SCAPER: variants seen among roughly 807,000 people sequenced by gnomAD.
The protein encoded by SCAPER is S-phase cyclin A associated protein in the ER, also known as S phase cyclin A-associated protein in the endoplasmic reticulum.
In SCAPER, 98 loss-of-function variants were observed where a neutral mutation model predicts 182.2. The observed-to-expected ratio is 0.54, with a 90% CI of 0.46 to 0.64. The LOEUF (loss-of-function observed/expected upper bound fraction) is 0.64, where lower values mean the gene tolerates loss of function less well. Ranked by LOEUF, SCAPER falls within the 30% of genes least tolerant of loss-of-function variation. The probability of loss-of-function intolerance (pLI) is 0.00; values close to 1 mark genes in which losing one functional copy is unlikely to be tolerated. For missense variants in SCAPER, 1,432 were observed against 1,690.0 expected, an observed-to-expected ratio of 0.85 and a Z score of 2.68; for synonymous variants, 605 against 564.6, an observed-to-expected ratio of 1.07 and a Z score of -1.01.
intron 23 of SCAPER, among the ~76,000 whole-genome samples, chr15:76,543,229 G>A (rs1451453259): frequency 1.3e-5 from 2 of 152,064 alleles, no homozygotes; most frequent in Non-Finnish European, 1.5e-5. Flanking sequence ...GAATTATTTT[G>A]ATGCTTTAAG....
intron 22 of SCAPER, among the ~76,000 whole-genome samples, chr15:76,605,577 G>C (rs2050313638): frequency 6.6e-6 from 1 of 152,276 alleles, no homozygotes; most frequent in East Asian, 1.9e-4. Flanking sequence ...TCTATTGATT[G>C]CAGTAGTTTC....
Position 76,602,251 on chromosome 15 carries a change from T to C in SCAPER, c.2711+19513A>G. Among the ~76,000 whole-genome samples, 2 of 122,392 alleles carry C rather than the reference T, an allele frequency of 1.6e-5. 1 individual carries two copies. Among genetic ancestry groups the C allele is most frequent in the Non-Finnish European group, 4.0e-5 (2 of 50,294 alleles). 80.3% of individuals were successfully genotyped at this position (122,392 alleles called of 152,430 possible). A position where few individuals can be genotyped will look rare whatever the true frequency, so the allele number is the denominator to read the frequency against. ...TATACAGATCTGAGTTTCTGATCTG[T>C]ATCATTTAACTTCTCTCTGAAGAAC... On this transcript the variant is annotated intron_variant, in intron 22 of 31. Transcript: ENST00000563290.
chr15:76,550,191 T>A (rs540699690), intron 23 of SCAPER, among the ~76,000 whole-genome samples: 1 of 152,340 alleles, frequency 6.6e-6, no homozygotes, highest in Admixed American at 6.5e-5. Context: ...TCTTCTTTTT[T>A]AAATAAAAAT....
At chr15:76,782,894 A>G (rs1219865058) in intron 8 of SCAPER, among the ~76,000 whole-genome samples, 3 of 152,252 alleles carry the variant, frequency 2.0e-5, no homozygotes, top group Non-Finnish European at 4.4e-5. Flanking sequence ...GTGTAAAGGG[A>G]AAGTTATAGC....
chr15:76,518,211 C>T (rs1305835573), intron 23 of SCAPER, among the ~76,000 whole-genome samples: 1 of 152,162 alleles, frequency 6.6e-6, no homozygotes, highest in Non-Finnish European at 1.5e-5. Flanking sequence ...CCCAGCTGGC[C>T]TTCAATAGTT....
intron 21 of SCAPER, among the ~76,000 whole-genome samples, chr15:76,632,360 T>C (rs886417267): frequency 2.0e-5 from 3 of 152,164 alleles, no homozygotes; most frequent in East Asian, 1.9e-4. Context: ...CGGCTTTCTT[T>C]TTTTTTGTAT....
At chr15:76,398,943 G>C (rs1365873642) in intron 27 of SCAPER, among the ~76,000 whole-genome samples, 2 of 152,078 alleles carry the variant, frequency 1.3e-5, no homozygotes, top group Non-Finnish European at 2.9e-5. Context: ...AGCCCATGTT[G>C]GTTTCAATTT....
chr15:76,477,939 T>G (rs180929539), intron 24 of SCAPER, among the ~76,000 whole-genome samples: 1 of 152,014 alleles, frequency 6.6e-6, no homozygotes, highest in Admixed American at 6.5e-5. Flanking sequence ...TATCTTAATT[T>G]TTTTTTTTAG....
At chr15:76,382,759 G>A (rs1455288440) in intron 27 of SCAPER, among the ~76,000 whole-genome samples, 1 of 152,078 alleles carries the variant, frequency 6.6e-6, no homozygotes, top group African/African-American at 2.4e-5. Context: ...GTCACAATCA[G>A]AGCTAATGGG....
intron 22 of SCAPER, among the ~76,000 whole-genome samples, chr15:76,619,639 G>A (rs2051835397): frequency 1.3e-5 from 2 of 152,016 alleles, no homozygotes; most frequent in South Asian, 2.1e-4. Context: ...TGCACAATGT[G>A]CAGGTTAGTT....
chr15:76,541,266 G>A (rs932540357), intron 23 of SCAPER, among the ~76,000 whole-genome samples: 8 of 151,904 alleles, frequency 5.3e-5, no homozygotes, highest in Non-Finnish European at 1.2e-4. Flanking sequence ...TGAAATATTT[G>A]TAGCTGCAAT....
chr15:76,814,095 G>T (rs930902413), intron 5 of SCAPER, among the ~76,000 whole-genome samples: 16 of 152,112 alleles, frequency 1.1e-4, no homozygotes, highest in African/African-American at 3.9e-4. Context: ...TTGAACCCGG[G>T]AGGCAGAGGC....
intron 4 of SCAPER, among the ~76,000 whole-genome samples, chr15:76,851,261 T>C (rs2070727575): frequency 6.6e-6 from 1 of 151,502 alleles, no homozygotes; most frequent in African/African-American, 2.4e-5. Context: ...CTTGAAAAAA[T>C]ACTTCAGGAT....
intron 8 of SCAPER, among the ~76,000 whole-genome samples, chr15:76,777,410 G>T (rs1216127001): frequency 6.6e-6 from 1 of 152,154 alleles, no homozygotes; most frequent in African/African-American, 2.4e-5. Flanking sequence ...AACGAAAGAA[G>T]GTTTGAGGCC....
intron 29 of SCAPER, among the ~76,000 whole-genome samples, chr15:76,371,714 T>A (rs1193230005): frequency 6.7e-6 from 1 of 150,270 alleles, no homozygotes; most frequent in East Asian, 2.1e-4. Context: ...AGGTCAGGAG[T>A]TCGAGACCAG....
chr15:76,552,727 G>C (rs1194013924), intron 23 of SCAPER, among the ~76,000 whole-genome samples: 1 of 152,150 alleles, frequency 6.6e-6, no homozygotes, highest in Non-Finnish European at 1.5e-5. Context: ...AGCATGGCCA[G>C]GGATGTCCAT....
intron 25 of SCAPER, among the ~76,000 whole-genome samples, chr15:76,454,848 G>A (rs1256040514): frequency 2.0e-5 from 3 of 151,300 alleles, no homozygotes; most frequent in African/African-American, 4.9e-5. Flanking sequence ...TAGGCCTGGT[G>A]CTTTTTTTTT....
intron 24 of SCAPER, among the ~76,000 whole-genome samples, chr15:76,502,393 TA>T (rs1250795354): frequency 6.6e-6 from 1 of 152,070 alleles, no homozygotes; most frequent in Non-Finnish European, 1.5e-5. Context: ...TATGCAGCCA[TA>T]AAAAAGGATG....
intron 2 of SCAPER, among the ~76,000 whole-genome samples, chr15:76,880,019 G>C (rs957777148): frequency 9.2e-5 from 14 of 152,188 alleles, no homozygotes; most frequent in Admixed American, 9.2e-4. Flanking sequence ...TTTTTAAAAA[G>C]CATCAATAAA....
Sources: gnomAD v4.1 joint callset for allele counts (sites outside exome capture counted in the v4.1 genomes callset) on GRCh38, gnomAD v4.1.1 for gene constraint, MANE v1.5 for transcripts, NCBI Gene and HGNC (gene_info 2026-07-23, HGNC 2026-07-21) for gene names.